Variants in MAN1A1 observed in about 807,000 individuals in gnomAD.
MAN1A1 encodes mannosidase alpha class 1A member 1.
In MAN1A1, 29 loss-of-function variants were observed where a neutral mutation model predicts 70.8. The observed-to-expected ratio is 0.41, with a 90% CI of 0.31 to 0.56. MAN1A1 has a LOEUF of 0.56. MAN1A1 is among the 20% of genes least tolerant of loss of function. The pLI is 0.29. For synonymous variants in MAN1A1, 349 were observed against 330.1 expected (o/e 1.06, Z -0.62); for missense variants, 747 against 841.3 (o/e 0.89, Z 1.39).
intron 6 of MAN1A1, among the ~76,000 whole-genome samples, chr6:119,209,382 C>T (rs1181554800): frequency 6.6e-6 from 1 of 152,178 alleles, no homozygotes; most frequent in Admixed American, 6.5e-5. Flanking sequence ...AATTTCTGAG[C>T]TGTAAACAAA....
intron 8 of MAN1A1, among the ~76,000 whole-genome samples, chr6:119,195,837 T>C (rs906970882): frequency 2.0e-5 from 3 of 152,228 alleles, no homozygotes; most frequent in African/African-American, 7.2e-5. Context: ...TAAATTTTAG[T>C]GTAAAAATAT....
intron 2 of MAN1A1, among the ~76,000 whole-genome samples, chr6:119,325,592 G>A (rs1303134367): frequency 6.6e-6 from 1 of 152,114 alleles, no homozygotes; most frequent in African/African-American, 2.4e-5. Flanking sequence ...AGGAGGCAGA[G>A]GTTACAGTGA....
intron 7 of MAN1A1, among the ~76,000 whole-genome samples, 183 bp from the exon 8 acceptor site, chr6:119,201,530 AC>A (rs1773712793): frequency 2.0e-5 from 3 of 152,190 alleles, no homozygotes; most frequent in African/African-American, 7.2e-5. Context: ...TTAGTTATCT[AC>A]CATTAGCCAG....
At chr6:119,237,275 G>A (rs764175757) in intron 6 of MAN1A1, among the ~76,000 whole-genome samples, 6 of 152,156 alleles carry the variant, frequency 3.9e-5, no homozygotes, top group East Asian at 1.9e-4. Context: ...AAGTTTTACC[G>A]TGTGGAAAAT....
intron 5 of MAN1A1, among the ~76,000 whole-genome samples, chr6:119,273,495 G>A (rs1775979438): frequency 6.6e-6 from 1 of 152,098 alleles, no homozygotes; most frequent in Admixed American, 6.6e-5. Context: ...ATGATCTGCT[G>A]CACTCCCTTA....
At chr6:119,278,335 G>T (rs941615105) in intron 5 of MAN1A1, among the ~76,000 whole-genome samples, 3 of 152,084 alleles carry the variant, frequency 2.0e-5, no homozygotes, top group Non-Finnish European at 4.4e-5. Flanking sequence ...CATTTCTACT[G>T]CCAACTCTAA....
At chr6:119,231,812 G>A (rs1421331846) in intron 6 of MAN1A1, among the ~76,000 whole-genome samples, 1 of 152,178 alleles carries the variant, frequency 6.6e-6, no homozygotes, top group South Asian at 2.1e-4. Context: ...CATAAAGGAA[G>A]GAGAATCAGT....
chr6:119,251,108 T>C (rs2114330167), intron 5 of MAN1A1, among the ~76,000 whole-genome samples: 1 of 152,308 alleles, frequency 6.6e-6, no homozygotes, highest in Admixed American at 6.5e-5. Flanking sequence ...TACTATGAAA[T>C]GCACGATTTA....
At chr6:119,212,930 T>G (rs1398581114) in intron 6 of MAN1A1, among the ~76,000 whole-genome samples, 4 of 152,156 alleles carry the variant, frequency 2.6e-5, no homozygotes, top group African/African-American at 9.7e-5. Flanking sequence ...TAAGGCAGGA[T>G]CAGTAAAATG....
intron 5 of MAN1A1, among the ~76,000 whole-genome samples, chr6:119,259,387 T>C (rs1017435334): frequency 4.6e-5 from 7 of 152,236 alleles, no homozygotes; most frequent in Non-Finnish European, 8.8e-5. Flanking sequence ...ATTACCATAT[T>C]ATGTAGTAGT....
At chr6:119,306,045 T>C (rs1013997380) in intron 3 of MAN1A1, among the ~76,000 whole-genome samples, 1 of 152,200 alleles carries the variant, frequency 6.6e-6, no homozygotes, top group Non-Finnish European at 1.5e-5. Flanking sequence ...TGAATGGCAC[T>C]TGGCACACAG....
chr6:119,350,065 TTATCCTG>T (rs946480518), upstream of MAN1A1, among the ~76,000 whole-genome samples: 1 of 151,970 alleles, frequency 6.6e-6, no homozygotes, highest in African/African-American at 2.4e-5. Flanking sequence ...GTCGGGGAGT[TTATCCTG>T]CGCTGGCCTC....
In MAN1A1 at chr6:119,313,164, G is replaced by C. The variant is rs73767441; in HGVS notation, c.604-6172C>G. ...AAAGAAAAGAGGCTAATGTCACCAA[G>C]AGGTGACAGTGCAGAGCCTGATGTG... On this transcript the variant is annotated intron_variant, in intron 2 of 12. Transcript: ENST00000368468. Among the ~76,000 whole-genome samples, 314 of 152,322 alleles carry C rather than the reference G, an allele frequency of 2.1e-3. 2 individuals carry two copies. Among genetic ancestry groups the C allele is most frequent in the African/African-American group, 7.5e-3 (310 of 41,580 alleles).
chr6:119,210,094 G>A (rs1048423470), intron 6 of MAN1A1, among the ~76,000 whole-genome samples: 1 of 152,182 alleles, frequency 6.6e-6, no homozygotes, highest in African/African-American at 2.4e-5. Flanking sequence ...TTGACTCGCA[G>A]TACTGCTGTT....
intron 2 of MAN1A1, among the ~76,000 whole-genome samples, chr6:119,343,584 C>T (rs1773652825): frequency 6.6e-6 from 1 of 152,160 alleles, no homozygotes; most frequent in Non-Finnish European, 1.5e-5. Context: ...ATAGTTCAAT[C>T]ACTGAACACC....
At chr6:119,203,860 G>A (rs944460989) in intron 7 of MAN1A1, among the ~76,000 whole-genome samples, 3 of 152,114 alleles carry the variant, frequency 2.0e-5, no homozygotes, top group Non-Finnish European at 4.4e-5. Flanking sequence ...GGGACAGGTT[G>A]GGACTGAAAT....
rs1050165669 is a variant in MAN1A1, at chr6:119,334,028, T to C, written c.603+14435A>G. Among the ~76,000 whole-genome samples, 3 of 152,226 alleles carry C rather than the reference T, an allele frequency of 2.0e-5. No individual in the cohort carries two copies. In the East Asian group the frequency reaches 5.8e-4, roughly 29 times the overall value. On this transcript the variant is annotated intron_variant, in intron 2 of 12. Transcript: ENST00000368468. ...CATCCCCAACTCTCCCAAAGACACC[T>C]GTTTTAAACTTCCTATTTCAGCTCA...
At chr6:119,326,687 C>T (rs1773155328) in intron 2 of MAN1A1, among the ~76,000 whole-genome samples, 1 of 152,128 alleles carries the variant, frequency 6.6e-6, no homozygotes, top group African/African-American at 2.4e-5. Context: ...TGAAGCAAGG[C>T]AGGGAAGGAA....
chr6:119,263,523 G>A (rs9489638), intron 5 of MAN1A1, among the ~76,000 whole-genome samples: 43,814 of 151,972 alleles, frequency 0.29, 6,832 homozygotes, highest in East Asian at 0.56. Context: ...TGTAAGAAGG[G>A]TGAGGACTGA....
Sources: gnomAD v4.1 joint callset for allele counts (sites outside exome capture counted in the v4.1 genomes callset) on GRCh38, gnomAD v4.1.1 for gene constraint, MANE v1.5 for transcripts, NCBI Gene and HGNC (gene_info 2026-07-23, HGNC 2026-07-21) for gene names.